The following TMEM87B variants were observed in gnomAD, a reference collection of about 807,000 sequenced individuals.
TMEM87B encodes transmembrane protein 87B.
Under a neutral mutation model 80.3 loss-of-function variants are expected in TMEM87B, and 83 were observed. The ratio of observed to expected loss-of-function variants is 1.03; its 90% CI spans 0.87 to 1.24. TMEM87B has a LOEUF of 1.24. TMEM87B is among the 50% of genes most tolerant of loss of function. TMEM87B has a pLI of 0.00. For synonymous variants in TMEM87B, 219 were observed against 230.5 expected (o/e 0.95, Z 0.45); for missense variants, 625 against 674.4 (o/e 0.93, Z 0.81).
At chr2:112,083,937 G>T (rs1392174528) in intron 8 of TMEM87B, among the ~76,000 whole-genome samples, 2 of 152,218 alleles carry the variant, frequency 1.3e-5, no homozygotes, top group Admixed American at 6.5e-5. Context: ...AGAGGCAAGA[G>T]AGTTGACATG....
chr2:112,079,222 C>T (rs1011053107), intron 6 of TMEM87B, among the ~76,000 whole-genome samples: 1 of 152,218 alleles, frequency 6.6e-6, no homozygotes, highest in Admixed American at 6.5e-5. Flanking sequence ...AAAAAACTTA[C>T]TCCTCCTGTG....
At chr2:112,090,020 G>A (rs185930248) in intron 10 of TMEM87B, among the ~76,000 whole-genome samples, 1 of 152,318 alleles carries the variant, frequency 6.6e-6, no homozygotes, top group East Asian at 1.9e-4. Context: ...TCATTATGCA[G>A]CTGGTATACC....
chr2:112,067,252 A>G (rs1678462816), intron 4 of TMEM87B, among the ~76,000 whole-genome samples, 185 bp downstream of exon 4: 1 of 152,250 alleles, frequency 6.6e-6, no homozygotes, highest in African/African-American at 2.4e-5. Context: ...GGATTTTGAT[A>G]AAGGTGGTTA....
At chr2:112,080,962 T>A in intron 6 of TMEM87B, 95 bp from the exon 7 acceptor site, 2 of 1,022,106 alleles carry the variant, frequency 2.0e-6, no homozygotes, top group Non-Finnish European at 3.0e-6. Context: ...CATTTGTTAG[T>A]GTGGTTTGTA....
At chr2:112,111,999 G>A (rs1342464633) in intron 17 of TMEM87B, among the ~76,000 whole-genome samples, 3 of 152,112 alleles carry the variant, frequency 2.0e-5, no homozygotes, top group South Asian at 2.1e-4. Context: ...CTCTAACGCC[G>A]TCTTCTCCCC....
intron 16 of TMEM87B, 108 bp from the exon 17 acceptor site, chr2:112,107,680 G>T: frequency 1.9e-6 from 1 of 521,810 alleles, no homozygotes. Context: ...GAAACTAAAA[G>T]AATGTCAAAT....
intron 13 of TMEM87B, among the ~76,000 whole-genome samples, chr2:112,097,992 T>G (rs1346776628): frequency 2.6e-5 from 4 of 151,994 alleles, no homozygotes; most frequent in African/African-American, 9.7e-5. Flanking sequence ...CTTTTTTTTT[T>G]TTGAGATGAG....
intron 2 of TMEM87B, 70 bp from the exon 3 acceptor site, chr2:112,064,092 T>G (rs1432746668): frequency 1.5e-6 from 2 of 1,356,368 alleles, no homozygotes; most frequent in Non-Finnish European, 2.0e-6. Flanking sequence ...AATTGCATTC[T>G]CAAAACCTTA....
chr2:112,062,064 G>C (rs1678274764), intron 2 of TMEM87B, among the ~76,000 whole-genome samples: 1 of 152,214 alleles, frequency 6.6e-6, no homozygotes, highest in African/African-American at 2.4e-5. Flanking sequence ...TCTGTTCATT[G>C]TAAGTGAGTA....
Position 112,082,657 on chromosome 2 carries a change from GGT to G in TMEM87B, c.838+1157_838+1158del, listed in dbSNP as rs141242420. On this transcript the variant is annotated intron_variant, in intron 8 of 18. Coordinates refer to ENST00000283206, the MANE Select transcript of TMEM87B (RefSeq NM_032824.3). The stretch of plus-strand genomic sequence containing the variant: ...CACTACTCTGTAAGAAGTTTTTTAT[GGT>G]GTGTGTGTGTGTGTGTGCGTGTGCG... Among the ~76,000 whole-genome samples, 1,396 of 149,820 alleles carry G rather than the reference GGT, an allele frequency of 9.3e-3. 10 individuals carry two copies. The highest frequency in any genetic ancestry group is 0.013 in the Admixed American group (198 of 14,992).
chr2:112,108,658 C>G (rs1381896926), intron 17 of TMEM87B, among the ~76,000 whole-genome samples: 1 of 152,060 alleles, frequency 6.6e-6, no homozygotes, highest in Non-Finnish European at 1.5e-5. Flanking sequence ...TGTGTTCCTC[C>G]ACATGTTATA....
Position 112,107,821 on chromosome 2 carries a change from C to A in TMEM87B, c.1558C>A (p.Pro520Thr). ...EDLKWVEENI[P>T]SSFTDVALPV... ...TTTGAAGTGGGTAGAAGAAAATATT[C>A]CCTCTTCATTCACAGATGTGTAAGT... The change falls in exon 17 of 19, where the codon CCC (proline) becomes ACC (threonine). Residue 520 changes from proline (P) to threonine (T), a missense_variant. Pro to Thr is a conservative substitution (Grantham distance 38). Transcript: ENST00000283206. The A allele has an allele frequency of 6.3e-7, 1 of 1,580,914 alleles. No individual in the cohort carries two copies. The highest frequency in any genetic ancestry group is 8.6e-7 in the Non-Finnish European group (1 of 1,157,104).
chr2:112,102,006 A>AT (rs1357317568), intron 15 of TMEM87B, among the ~76,000 whole-genome samples: 4 of 152,304 alleles, frequency 2.6e-5, no homozygotes, highest in African/African-American at 9.6e-5. Flanking sequence ...TTTAAAAAAA[A>AT]TTTTTTTAAT....
At chr2:112,090,285 T>C (rs1010360329) in intron 10 of TMEM87B, among the ~76,000 whole-genome samples, 3 of 152,202 alleles carry the variant, frequency 2.0e-5, no homozygotes, top group African/African-American at 7.2e-5. Context: ...TAGAGAAGTA[T>C]CAGTATTTAT....
At chr2:112,069,845 A>G (rs908774936) in intron 4 of TMEM87B, among the ~76,000 whole-genome samples, 4 of 151,986 alleles carry the variant, frequency 2.6e-5, no homozygotes, top group African/African-American at 9.7e-5. Flanking sequence ...TTATTTTTTG[A>G]CTTTTTAATA....
chr2:112,086,542 T>G (rs1374319441), intron 9 of TMEM87B, among the ~76,000 whole-genome samples: 1 of 152,192 alleles, frequency 6.6e-6, no homozygotes, highest in Non-Finnish European at 1.5e-5. Flanking sequence ...CCGGCGGGTC[T>G]TTTCCTCCTC....
intron 17 of TMEM87B, among the ~76,000 whole-genome samples, chr2:112,111,661 T>G (rs781756353): frequency 6.6e-6 from 1 of 152,228 alleles, no homozygotes; most frequent in Non-Finnish European, 1.5e-5. Context: ...ATTTAGACTT[T>G]AAACACAGAG....
At chr2:112,105,947 TA>T in intron 15 of TMEM87B, 54 bp from the exon 16 acceptor site, 1 of 1,276,230 alleles carries the variant, frequency 7.8e-7, no homozygotes, top group Non-Finnish European at 1.1e-6. Flanking sequence ...ATTAAATTTC[TA>T]AAGGAAAATA....
Position 112,116,910 on chromosome 2 carries a change from G to A in TMEM87B, c.*767G>A, listed in dbSNP as rs10182451. ...GCTGAGTGTGCTGGGGTGGGTGGTG[G>A]CCACGTGGCTCCCCCAGAGCACTTC... On this transcript the variant is annotated 3_prime_UTR_variant, in exon 19 of 19. Transcript: ENST00000283206. 7,013 of 152,630 alleles carry A rather than the reference G, an allele frequency of 0.046. 190 individuals carry two copies. Among genetic ancestry groups the A allele is most frequent in the African/African-American group, 0.081 (3,370 of 41,522 alleles). The allele number at this position is 152,630 out of a possible 1,614,324, so 9.5% of individuals were successfully genotyped here. A position where few individuals can be genotyped will look rare whatever the true frequency, so the allele number is the denominator to read the frequency against.
Sources: allele counts gnomAD v4.1 joint callset (sites outside exome capture counted in the v4.1 genomes callset), GRCh38; gene constraint gnomAD v4.1.1; transcripts MANE v1.5; gene names NCBI Gene and HGNC (gene_info 2026-07-23, HGNC 2026-07-21).